Variants in NTNG1 observed in about 807,000 individuals in gnomAD.
NTNG1 encodes the protein netrin G1.
NTNG1 carries 16 observed loss-of-function variants against 54.0 expected under a neutral mutation model. The observed-to-expected ratio is 0.30, with a 90% confidence interval of 0.20 to 0.45. NTNG1 has a LOEUF of 0.45. NTNG1 is among the 20% of genes least tolerant of loss of function. The pLI, the probability that NTNG1 is intolerant of heterozygous loss-of-function variation, is 1.00. For synonymous variants in NTNG1, 255 were observed against 263.1 expected (o/e 0.97, Z 0.30); for missense variants, 530 against 678.7 (o/e 0.78, Z 2.43).
intron 2 of NTNG1, among the ~76,000 whole-genome samples, chr1:107,248,734 A>G (rs1260577989): frequency 1.3e-5 from 2 of 152,188 alleles, no homozygotes; most frequent in Non-Finnish European, 2.9e-5. Context: ...TTCCCAAAGT[A>G]CTGAATTTCA....
chr1:107,248,194 C>G (rs974165792), intron 2 of NTNG1, among the ~76,000 whole-genome samples: 6 of 152,158 alleles, frequency 3.9e-5, no homozygotes, highest in Admixed American at 2.0e-4. Context: ...TTTCAGGCCT[C>G]TTGGCAGCTG....
At chr1:107,375,786 A>T (rs1253889600) in intron 3 of NTNG1, among the ~76,000 whole-genome samples, 1 of 152,214 alleles carries the variant, frequency 6.6e-6, no homozygotes, top group Non-Finnish European at 1.5e-5. Flanking sequence ...AGTAAATATG[A>T]AGTTCACCAT....
chr1:107,472,683 G>GCCAGA (rs3064154), intron 7 of NTNG1, among the ~76,000 whole-genome samples: 43,030 of 151,684 alleles, frequency 0.28, 7,274 homozygotes, highest in Non-Finnish European at 0.36. Flanking sequence ...ACCCCTCATG[G>GCCAGA]CCAGACCAGA....
At chr1:107,367,579 A>G (rs1314434028) in intron 3 of NTNG1, among the ~76,000 whole-genome samples, 1 of 152,040 alleles carries the variant, frequency 6.6e-6, no homozygotes, top group African/African-American at 2.4e-5. Context: ...TGTCACAACA[A>G]TTTTTCTCAT....
intron 2 of NTNG1, among the ~76,000 whole-genome samples, chr1:107,257,508 GACCAAAACCTATCA>G (rs1663007477): frequency 6.6e-6 from 1 of 152,162 alleles, no homozygotes; most frequent in African/African-American, 2.4e-5. Flanking sequence ...ATAATGAAAA[GACCAAAACCTATCA>G]ATATGGTCAT....
intron 2 of NTNG1, among the ~76,000 whole-genome samples, chr1:107,229,750 T>C (rs1418976622): frequency 6.6e-6 from 1 of 151,960 alleles, no homozygotes; most frequent in African/African-American, 2.4e-5. Context: ...AAAAATATTA[T>C]TTTTAGCGTC....
intron 2 of NTNG1, among the ~76,000 whole-genome samples, chr1:107,165,833 C>A (rs1655752453): frequency 6.6e-6 from 1 of 152,170 alleles, no homozygotes; most frequent in Admixed American, 6.6e-5. Context: ...AAGAATCTGG[C>A]AGAAGGTGAT....
At chr1:107,457,819 G>A (rs977036845) in intron 7 of NTNG1, among the ~76,000 whole-genome samples, 7 of 151,610 alleles carry the variant, frequency 4.6e-5, no homozygotes, top group East Asian at 1.9e-4. Flanking sequence ...ATACTTTGCC[G>A]TAACATCTAA....
At chr1:107,393,859 C>T (rs1393711406) in intron 3 of NTNG1, among the ~76,000 whole-genome samples, 1 of 152,108 alleles carries the variant, frequency 6.6e-6, no homozygotes, top group Non-Finnish European at 1.5e-5. Flanking sequence ...GTCTTATCTT[C>T]CTACCTAAGA....
chr1:107,483,065 G>A lies in NTNG1; in HGVS notation c.*2225G>A, dbSNP rs914005583. 5 of 152,178 alleles carry A rather than the reference G, an allele frequency of 3.3e-5. No homozygotes were observed. The highest frequency in any genetic ancestry group is 1.2e-4 in the African/African-American group (5 of 41,448). 9.4% of individuals were successfully genotyped at this position (152,178 alleles called of 1,614,324 possible). A position where few individuals can be genotyped will look rare whatever the true frequency, so the allele number is the denominator to read the frequency against. On this transcript the variant is annotated 3_prime_UTR_variant, in exon 8 of 8. Coordinates refer to ENST00000370068, the MANE Select transcript of NTNG1 (RefSeq NM_001113226.3). ...TTTCAGGCTCACCAAAGAAACACAT[G>A]AAAATGCTGATAACATAGGGAGTTT... is the stretch of plus-strand genomic sequence containing the variant.
intron 3 of NTNG1, among the ~76,000 whole-genome samples, chr1:107,351,930 C>T (rs1165976602): frequency 2.0e-5 from 3 of 152,194 alleles, no homozygotes; most frequent in Non-Finnish European, 4.4e-5. Flanking sequence ...GGCTACAGGC[C>T]CCGTGCAAGT....
chr1:107,243,600 T>G (rs199997212), intron 2 of NTNG1, among the ~76,000 whole-genome samples: 2 of 152,098 alleles, frequency 1.3e-5, no homozygotes, highest in East Asian at 3.9e-4. Flanking sequence ...TGTATTGCCC[T>G]GGCTAGAGCG....
At chr1:107,393,884 C>A (rs928632416) in intron 3 of NTNG1, among the ~76,000 whole-genome samples, 2 of 152,034 alleles carry the variant, frequency 1.3e-5, no homozygotes, top group African/African-American at 2.4e-5. Flanking sequence ...GCATTCTGTT[C>A]TTTTTCCCAT....
At chr1:107,200,588 C>T (rs182511826) in intron 2 of NTNG1, among the ~76,000 whole-genome samples, 66 of 151,858 alleles carry the variant, frequency 4.3e-4, no homozygotes, top group Admixed American at 7.2e-4. Flanking sequence ...TGTTGTTTCA[C>T]CGTCCTTTTA....
At chr1:107,192,829 G>A (rs976009095) in intron 2 of NTNG1, among the ~76,000 whole-genome samples, 3 of 151,914 alleles carry the variant, frequency 2.0e-5, no homozygotes, top group Non-Finnish European at 2.9e-5. Context: ...AATTCAGCTG[G>A]TTCACATTAT....
intron 2 of NTNG1, among the ~76,000 whole-genome samples, chr1:107,239,348 G>A (rs573958978): frequency 6.6e-6 from 1 of 152,316 alleles, no homozygotes; most frequent in Non-Finnish European, 1.5e-5. Context: ...AAGACAAACA[G>A]TAGATTGGAA....
upstream of NTNG1, among the ~76,000 whole-genome samples, chr1:107,140,365 C>T (rs969749086): frequency 6.6e-6 from 1 of 152,054 alleles, no homozygotes; most frequent in Non-Finnish European, 1.5e-5. Flanking sequence ...TTGGCACTGG[C>T]CCCTAAGTTT....
chr1:107,169,060 A>T (rs919216455), intron 2 of NTNG1, among the ~76,000 whole-genome samples: 1 of 152,180 alleles, frequency 6.6e-6, no homozygotes, highest in Non-Finnish European at 1.5e-5. Context: ...TTTGAATCAA[A>T]TTCTTTTTTC....
intron 2 of NTNG1, among the ~76,000 whole-genome samples, chr1:107,172,035 G>A (rs1656284836): frequency 1.3e-5 from 2 of 151,870 alleles, no homozygotes; most frequent in South Asian, 4.1e-4. Flanking sequence ...TTGCCAGTTT[G>A]ACAATCTAGC....
Sources: gnomAD v4.1 joint callset for allele counts (sites outside exome capture counted in the v4.1 genomes callset) on GRCh38, gnomAD v4.1.1 for gene constraint, MANE v1.5 for transcripts, NCBI Gene and HGNC (gene_info 2026-07-23, HGNC 2026-07-21) for gene names.